The following CD9 variants were observed in gnomAD, a reference collection of about 807,000 sequenced individuals.
CD9 encodes CD9 antigen.
Under a neutral mutation model 31.4 loss-of-function variants are expected in CD9, and 10 were observed. The observed-to-expected ratio is 0.32, with a 90% CI of 0.20 to 0.54. The LOEUF (loss-of-function observed/expected upper bound fraction) is 0.54, where lower values mean the gene tolerates loss of function less well. CD9 is among the 20% of genes least tolerant of loss of function. CD9 has a pLI of 0.94. For synonymous variants in CD9, 113 were observed against 114.1 expected, an observed-to-expected ratio of 0.99 and a Z score of 0.06; for missense variants, 259 against 300.1, an observed-to-expected ratio of 0.86 and a Z score of 1.01.
chr12:6,225,379 T>C, intron 1 of CD9, 47 bp from the exon 2 acceptor site: 2 of 1,295,838 alleles, frequency 1.5e-6, no homozygotes, highest in Non-Finnish European at 2.2e-6. Context: ...GGGACTGTGT[T>C]GTTGCTGGCA....
In CD9 at chr12:6,235,459, C is replaced by G; in HGVS notation, c.448-17C>G. 6.2e-7 allele frequency: 1 copy of G among 1,613,796 alleles called. No homozygotes were observed. Among genetic ancestry groups the G allele is most frequent in the Non-Finnish European group, 8.5e-7 (1 of 1,179,656 alleles). On this transcript the variant is annotated splice_polypyrimidine_tract_variant and intron_variant, in intron 5 of 7. Transcript: ENST00000009180. ...CAATTTGTTTCTCTCATCCCCATCCCTGCCTTCTCGCTGTAGTTGAACTGC... is the reference window on the plus strand; with the variant it reads ...CAATTTGTTTCTCTCATCCCCATCCGTGCCTTCTCGCTGTAGTTGAACTGC...
chr12:6,216,909 T>TC (rs1565422128), intron 1 of CD9, among the ~76,000 whole-genome samples: 1 of 152,168 alleles, frequency 6.6e-6, no homozygotes, highest in Non-Finnish European at 1.5e-5. Context: ...TCATTTTTTT[T>TC]CCCTATGGAA....
chr12:6,207,449 C>T (rs1946145162), intron 1 of CD9, among the ~76,000 whole-genome samples: 1 of 152,244 alleles, frequency 6.6e-6, no homozygotes, highest in South Asian at 2.1e-4. Flanking sequence ...GAGTGGTTTT[C>T]ACTCGGTTAA....
chr12:6,236,187 C>T lies in CD9; in HGVS notation c.538-5C>T. 1 of 1,614,162 alleles carries T rather than the reference C, an allele frequency of 6.2e-7. No individual in the cohort carries two copies. Among genetic ancestry groups the T allele is most frequent in the Non-Finnish European group, 8.5e-7 (1 of 1,180,000 alleles). On this transcript the variant is annotated splice_polypyrimidine_tract_variant and splice_region_variant and intron_variant, in intron 6 of 7. Coordinates refer to ENST00000009180, the MANE Select transcript of CD9 (RefSeq NM_001769.4). The stretch of plus-strand genomic sequence containing the variant: ...GTGACCCAGGTCTTGGTTTGTCTCC[C>T]CAAGTCCTGTCCTGATGCCATCAAA...
chr12:6,236,358 C>A, intron 7 of CD9, 83 bp downstream of exon 7: 1 of 1,222,400 alleles, frequency 8.2e-7, no homozygotes, highest in Non-Finnish European at 1.2e-6. Context: ...CACCGCCGCA[C>A]TCTGTGCATT....
chr12:6,209,730 G>C (rs1426469208), intron 1 of CD9, among the ~76,000 whole-genome samples: 1 of 148,416 alleles, frequency 6.7e-6, no homozygotes, highest in Non-Finnish European at 1.5e-5. Flanking sequence ...TGTTGCCCAG[G>C]CTGGAGTGTA....
chr12:6,218,451 T>C (rs1230608193), intron 1 of CD9, among the ~76,000 whole-genome samples: 2 of 152,142 alleles, frequency 1.3e-5, no homozygotes, highest in African/African-American at 4.8e-5. Flanking sequence ...TCTTTTCCTC[T>C]TCCTCTGGGT....
chr12:6,236,425 GAGAGAC>G lies in CD9; in HGVS notation c.621+156_621+161del, dbSNP rs1483017952. ...ATTTCCATTTTACCACTAGGGAATG[GAGAGAC>G]AGAGAGGCCGATGTTCTGATCAAAG... On this transcript the variant is annotated intron_variant, in intron 7 of 7. Coordinates refer to ENST00000009180, the MANE Select transcript of CD9 (RefSeq NM_001769.4). 13 of 666,798 alleles carry G rather than the reference GAGAGAC, an allele frequency of 1.9e-5. No homozygotes were observed. In the East Asian group the frequency reaches 3.3e-4, roughly 17 times the overall value. The allele number at this position is 666,798 out of a possible 1,614,324, so 41.3% of individuals were successfully genotyped here.
intron 2 of CD9, among the ~76,000 whole-genome samples, chr12:6,228,444 C>T (rs753069651): frequency 6.0e-5 from 9 of 148,764 alleles, no homozygotes; most frequent in Non-Finnish European, 1.0e-4. Flanking sequence ...CCCAGCTACT[C>T]GGGAGGCTGA....
intron 1 of CD9, among the ~76,000 whole-genome samples, chr12:6,221,320 A>C (rs1946289381): frequency 6.6e-6 from 1 of 152,200 alleles, no homozygotes; most frequent in African/African-American, 2.4e-5. Context: ...TGGGAGTAGA[A>C]GCTATGGGCT....
At chr12:6,227,784 T>C (rs911168441) in intron 2 of CD9, among the ~76,000 whole-genome samples, 1 of 152,210 alleles carries the variant, frequency 6.6e-6, no homozygotes, top group Non-Finnish European at 1.5e-5. Context: ...ACTGGCTGAA[T>C]GTGCCCCATT....
chr12:6,221,207 T>A lies in CD9; in HGVS notation c.67-4219T>A, dbSNP rs892127078. Reference sequence around the variant, plus strand: ...CGGCCCTCTCAAAGGGATGGAACCATTTTTTGGCCAGATAGCAAAGGAGCT... The same window carrying A: ...CGGCCCTCTCAAAGGGATGGAACCAATTTTTGGCCAGATAGCAAAGGAGCT... On this transcript the variant is annotated intron_variant, in intron 1 of 7. Coordinates refer to ENST00000009180, the MANE Select transcript of CD9 (RefSeq NM_001769.4). Among the ~76,000 whole-genome samples the A allele has an allele frequency of 5.3e-5, 8 of 152,208 alleles. No homozygotes were observed. In the East Asian group the frequency reaches 7.7e-4, roughly 15 times the overall value.
chr12:6,209,641 C>G (rs867273533), intron 1 of CD9, among the ~76,000 whole-genome samples: 30 of 151,654 alleles, frequency 2.0e-4, no homozygotes, highest in South Asian at 1.2e-3. Flanking sequence ...CCCTGGCTCC[C>G]TAAGACACAA....
At chr12:6,214,663 T>C (rs1204081302) in intron 1 of CD9, among the ~76,000 whole-genome samples, 4 of 152,146 alleles carry the variant, frequency 2.6e-5, no homozygotes, top group Non-Finnish European at 4.4e-5. Context: ...GTGTATTCTT[T>C]TAAAAAATTG....
At chr12:6,210,163 T>G (rs991979039) in intron 1 of CD9, among the ~76,000 whole-genome samples, 3 of 151,610 alleles carry the variant, frequency 2.0e-5, no homozygotes, top group Non-Finnish European at 4.4e-5. Context: ...TTCTGCCCTT[T>G]GCTGGCAGGG....
intron 1 of CD9, among the ~76,000 whole-genome samples, chr12:6,215,708 G>T (rs1946236575): frequency 6.6e-6 from 1 of 152,192 alleles, no homozygotes; most frequent in East Asian, 1.9e-4. Context: ...CTACAAAAGG[G>T]AGTTCTGGTT....
At chr12:6,206,719 A>T (rs1437227475) in intron 1 of CD9, among the ~76,000 whole-genome samples, 1 of 152,082 alleles carries the variant, frequency 6.6e-6, no homozygotes, top group Non-Finnish European at 1.5e-5. Context: ...TCTATCTGGT[A>T]ATTTCCTCCC....
At chr12:6,213,256 C>T (rs1010167150) in intron 1 of CD9, among the ~76,000 whole-genome samples, 21 of 152,196 alleles carry the variant, frequency 1.4e-4, no homozygotes, top group Non-Finnish European at 2.2e-4. Context: ...TCCATATCTT[C>T]TCACTTCAGT....
intron 1 of CD9, among the ~76,000 whole-genome samples, chr12:6,220,484 G>A (rs1946282545): frequency 6.6e-6 from 1 of 152,162 alleles, no homozygotes; most frequent in Admixed American, 6.5e-5. Context: ...AGGGGTGAAA[G>A]GAAAGCAGAG....
Sources: allele counts gnomAD v4.1 joint callset (sites outside exome capture counted in the v4.1 genomes callset), GRCh38; gene constraint gnomAD v4.1.1; transcripts MANE v1.5; gene names NCBI Gene and HGNC (gene_info 2026-07-23, HGNC 2026-07-21).